Variants in DOCK3 observed in about 807,000 individuals in gnomAD.
The protein encoded by DOCK3 is dedicator of cytokinesis 3.
Under a neutral mutation model 265.6 loss-of-function variants are expected in DOCK3, and 60 were observed. That is an observed-to-expected ratio of 0.23 (90% CI 0.18 to 0.28). The LOEUF (loss-of-function observed/expected upper bound fraction) is 0.28. Among genes scored for constraint, DOCK3 ranks in the 10% least tolerant of loss-of-function variants. DOCK3 has a pLI of 1.00. For missense variants in DOCK3, 1,981 were observed against 2,594.3 expected (o/e 0.76, Z 5.14); for synonymous variants, 881 against 938.0 (o/e 0.94, Z 1.11).
At chr3:51,232,692 T>G (rs530997951) in intron 19 of DOCK3, among the ~76,000 whole-genome samples, 1 of 152,356 alleles carries the variant, frequency 6.6e-6, no homozygotes, top group South Asian at 2.1e-4. Flanking sequence ...AAATGTCTAT[T>G]CATGTCCTTT....
chr3:50,931,360 G>A (rs1369394449), intron 4 of DOCK3, among the ~76,000 whole-genome samples: 1 of 152,122 alleles, frequency 6.6e-6, no homozygotes, highest in Non-Finnish European at 1.5e-5. Flanking sequence ...TATAGTTAAT[G>A]TCACACATTT....
intron 5 of DOCK3, among the ~76,000 whole-genome samples, chr3:50,962,973 G>C (rs2076933463): frequency 6.6e-6 from 1 of 152,192 alleles, no homozygotes; most frequent in Non-Finnish European, 1.5e-5. Context: ...GATCACCTGA[G>C]GTCAGGAGTT....
chr3:50,696,178 A>G (rs1242888716), intron 1 of DOCK3, among the ~76,000 whole-genome samples: 1 of 152,222 alleles, frequency 6.6e-6, no homozygotes, highest in African/African-American at 2.4e-5. Flanking sequence ...AGTTCTGGGT[A>G]CATGTTTACA....
intron 1 of DOCK3, among the ~76,000 whole-genome samples, chr3:50,763,033 G>GT (rs2040627455): frequency 6.6e-6 from 1 of 151,986 alleles, no homozygotes; most frequent in African/African-American, 2.4e-5. Context: ...GGAAAATATT[G>GT]TAAGTTGAAA....
Position 51,208,808 on chromosome 3 carries a change from G to A in DOCK3, c.1072G>A (p.Glu358Lys). 3.7e-6 allele frequency: 6 copies of A among 1,612,076 alleles called. No homozygotes were observed. Among genetic ancestry groups the A allele is most frequent in the Non-Finnish European group, 5.1e-6 (6 of 1,179,236 alleles). The change falls in exon 13 of 53, where the codon GAG becomes AAG. Residue 358 changes from glutamate to lysine, a missense_variant. Physicochemically the swap from Glu to Lys is moderately conservative, Grantham distance 56. This residue lies in a region of DOCK3 where 456 missense variants were observed against 539.0 expected (regional missense o/e 0.85). Coordinates refer to ENST00000266037, the MANE Select transcript of DOCK3 (RefSeq NM_004947.5). Reference protein sequence around the residue: ...NNESEWSQIHENIIRKSSAKY... With the variant: ...NNESEWSQIHKNIIRKSSAKY... ...CGAGAGTGAGTGGTCCCAGATCCAC[G>A]AGAACATCATCCGAAAGTCCAGTGC...
intron 39 of DOCK3, 63 bp downstream of exon 39, chr3:51,349,001 C>G (rs1446164211): frequency 7.3e-7 from 1 of 1,377,440 alleles, no homozygotes; most frequent in Non-Finnish European, 9.9e-7. Context: ...TGAGCGTTCT[C>G]TATGGGCCCA....
rs1305689100 is a variant in DOCK3 at position 51,375,676 on chromosome 3, C to T, written c.5413-72C>T. On this transcript the variant is annotated intron_variant, in intron 50 of 52. Transcript: ENST00000266037. The stretch of plus-strand genomic sequence containing the variant: ...GATCTTGTAGTGTCCTGTCTCTCGT[C>T]GCCCACAACACTGCCTCCCAAGATA... 17 of 1,537,934 alleles carry T rather than the reference C, an allele frequency of 1.1e-5. No homozygotes were observed. The South Asian group carries it at 1.2e-4, about 11-fold the overall frequency.
intron 5 of DOCK3, among the ~76,000 whole-genome samples, chr3:50,947,351 A>T (rs7372342): frequency 0.072 from 10,897 of 152,040 alleles, 977 homozygotes; most frequent in East Asian, 0.33. Flanking sequence ...AAGTAGTCAA[A>T]TTATTTAGAG....
Position 50,914,050 on chromosome 3 carries a change from CTTATTTTATT to C in DOCK3, c.219-19914_219-19905del, listed in dbSNP as rs57972779. 2.2e-3 allele frequency among the ~76,000 whole-genome samples: 329 copies of C among 150,678 alleles called. 2 individuals are homozygous for C. The highest frequency in any genetic ancestry group is 7.3e-3 in the African/African-American group (299 of 41,108). ...GCTTTGTCCTCCCTGTATTGTCTCT[CTTATTTTATT>C]TTATTTTATTTTATTTATTTGGGTC... is the stretch of plus-strand genomic sequence containing the variant. On this transcript the variant is annotated intron_variant, in intron 4 of 52. Transcript: ENST00000266037.
chr3:51,330,102 T>G, intron 32 of DOCK3, 36 bp from the exon 33 acceptor site: 1 of 1,560,636 alleles, frequency 6.4e-7, no homozygotes, highest in Non-Finnish European at 8.7e-7. Flanking sequence ...TTTTCTGAGG[T>G]CATCTCAGGT....
intron 38 of DOCK3, 92 bp downstream of exon 38, chr3:51,341,477 G>A (rs1435343366): frequency 1.9e-6 from 3 of 1,545,190 alleles, no homozygotes; most frequent in Non-Finnish European, 2.6e-6. Flanking sequence ...GCTGCAGGGG[G>A]TAGTGTGTGG....
chr3:50,969,802 T>A (rs2077141056), intron 5 of DOCK3, among the ~76,000 whole-genome samples: 1 of 152,214 alleles, frequency 6.6e-6, no homozygotes, highest in South Asian at 2.1e-4. Context: ...CCGGGCACAG[T>A]GGCTTACACC....
chr3:51,371,839 G>T (rs927412339), intron 49 of DOCK3, among the ~76,000 whole-genome samples: 4 of 152,230 alleles, frequency 2.6e-5, no homozygotes. Flanking sequence ...CAGATGTGGG[G>T]TTTTCTTTAT....
intron 12 of DOCK3, among the ~76,000 whole-genome samples, chr3:51,200,278 CTT>C: frequency 6.6e-6 from 1 of 151,780 alleles, no homozygotes; most frequent in East Asian, 1.9e-4. Flanking sequence ...AAGTTAAAAA[CTT>C]TGAAAAAAAT....
intron 7 of DOCK3, among the ~76,000 whole-genome samples, chr3:51,084,534 T>C (rs2082353437): frequency 2.6e-5 from 4 of 152,102 alleles, no homozygotes; most frequent in Admixed American, 2.6e-4. Flanking sequence ...ATAAAATCTT[T>C]CTAGACAAGC....
chr3:51,379,691 C>G (rs375049939), intron 51 of DOCK3: 2 of 925,518 alleles, frequency 2.2e-6, no homozygotes, highest in African/African-American at 1.8e-5. Flanking sequence ...TCAGCCAAAG[C>G]CAAAACACCC....
At chr3:50,828,944 C>T (rs2044952524) in intron 2 of DOCK3, among the ~76,000 whole-genome samples, 1 of 151,582 alleles carries the variant, frequency 6.6e-6, no homozygotes, top group African/African-American at 2.4e-5. Flanking sequence ...GAACTCCTCT[C>T]CTTGTGATCT....
intron 5 of DOCK3, among the ~76,000 whole-genome samples, chr3:51,007,801 G>A (rs1019252167): frequency 1.1e-4 from 16 of 152,282 alleles, no homozygotes; most frequent in Non-Finnish European, 1.3e-4. Context: ...TTTTGTATAA[G>A]GTGTAAGGAA....
At chr3:50,727,627 G>A (rs1301406981) in intron 1 of DOCK3, among the ~76,000 whole-genome samples, 4 of 152,172 alleles carry the variant, frequency 2.6e-5, no homozygotes, top group African/African-American at 7.2e-5. Context: ...GAAACCGGGA[G>A]GCAGAGGTTG....
Sources: gnomAD v4.1 joint callset for allele counts (sites outside exome capture counted in the v4.1 genomes callset) on GRCh38, gnomAD v4.1.1 for gene constraint, gnomAD v4.1.1 regional missense constraint, MANE v1.5 for transcripts, NCBI Gene and HGNC (gene_info 2026-07-23, HGNC 2026-07-21) for gene names.